MISP: variants seen among roughly 807,000 people sequenced by gnomAD.
The protein encoded by MISP is mitotic spindle positioning.
MISP carries 51 observed loss-of-function variants against 49.3 expected under a neutral mutation model. The observed-to-expected ratio is 1.03, with a 90% confidence interval of 0.83 to 1.31. The LOEUF (loss-of-function observed/expected upper bound fraction) is 1.31, where lower values mean the gene tolerates loss of function less well. Among genes scored for constraint, MISP ranks in the 50% most tolerant of loss-of-function variants. MISP has a pLI of 0.00. For missense variants in MISP, 1,084 were observed against 935.1 expected, an observed-to-expected ratio of 1.16 and a Z score of -2.08; for synonymous variants, 444 against 392.6, an observed-to-expected ratio of 1.13 and a Z score of -1.55.
chr19:756,388 A>G (rs2033549576), intron 1 of MISP, among the ~76,000 whole-genome samples: 1 of 152,162 alleles, frequency 6.6e-6, no homozygotes, highest in Admixed American at 6.5e-5. Flanking sequence ...CTTTGAACCA[A>G]TCACAGAGGC....
rs763389056 is a variant in MISP, at chr19:761,628, G to A, written c.1915G>A (p.Ala639Thr). The change falls in exon 4 of 5, where the codon GCT becomes ACT. Residue 639 changes from alanine to threonine, a missense_variant. Transcript: ENST00000215582. Reference protein sequence around the residue: ...PGQRKKEQWYAGINPSDGINS... With the variant: ...PGQRKKEQWYTGINPSDGINS... ...GACTTGTGTTCCTTTCCTGTAGTAC[G>A]CTGGCATCAACCCCTCGGACGGTAT... The A allele has an allele frequency of 3.7e-5, 60 of 1,613,956 alleles. No individual in the cohort carries two copies. Among genetic ancestry groups the A allele is most frequent in the Non-Finnish European group, 4.7e-5 (55 of 1,180,002 alleles).
At chr19:750,495 C>T (rs921491250), upstream of MISP, among the ~76,000 whole-genome samples, 5 of 152,120 alleles carry the variant, frequency 3.3e-5, no homozygotes, top group African/African-American at 7.2e-5. Context: ...CCACCAAGTC[C>T]GGCCCCCTCG....
At chr19:752,172 G>A (rs919535171) in intron 1 of MISP, among the ~76,000 whole-genome samples, 4 of 152,160 alleles carry the variant, frequency 2.6e-5, no homozygotes, top group East Asian at 3.9e-4. Context: ...AGTCGAAAAC[G>A]GTTCCAAGGT....
intron 1 of MISP, among the ~76,000 whole-genome samples, chr19:756,423 T>G (rs1001567732): frequency 2.0e-5 from 3 of 151,530 alleles, no homozygotes; most frequent in Non-Finnish European, 2.9e-5. Flanking sequence ...CTCTGATTGA[T>G]CAGGATGAGT....
At chr19:752,426 A>C (rs1295052598) in intron 1 of MISP, among the ~76,000 whole-genome samples, 1 of 151,598 alleles carries the variant, frequency 6.6e-6, no homozygotes, top group Non-Finnish European at 1.5e-5. Context: ...TGGGAGGCTG[A>C]GGCAGGAGAA....
chr19:755,776 A>G (rs2033540313), intron 1 of MISP, among the ~76,000 whole-genome samples: 1 of 152,144 alleles, frequency 6.6e-6, no homozygotes, highest in Non-Finnish European at 1.5e-5. Flanking sequence ...TACTAAAAAT[A>G]CAAAAAATTA....
chr19:753,111 G>A (rs962721001), intron 1 of MISP, among the ~76,000 whole-genome samples: 4 of 152,248 alleles, frequency 2.6e-5, no homozygotes, highest in Non-Finnish European at 5.9e-5. Context: ...AGCTGGGCAG[G>A]CGGCGTCCAC....
chr19:759,502 C>G (rs983863910), intron 2 of MISP, among the ~76,000 whole-genome samples: 1 of 151,574 alleles, frequency 6.6e-6, no homozygotes, highest in Admixed American at 6.6e-5. Flanking sequence ...CGGGTTCACG[C>G]CATTCTCTCG....
rs369018410 is a variant in MISP at position 758,412 on chromosome 19, G to T, written c.1466G>T (p.Arg489Leu). The change falls in exon 2 of 5, where the codon CGG becomes CTG. Residue 489 changes from arginine to leucine, a missense_variant. By Grantham distance (102) the Arg-to-Leu change is moderately radical. Coordinates refer to ENST00000215582, the MANE Select transcript of MISP (RefSeq NM_173481.4). ...STKQEASKPP[R>L]GCPQANRGVV... ...AAGCAAGAGGCATCGAAGCCCCCTC[G>T]GGGATGCCCGCAAGCCAACAGGGGT... 3 of 1,614,084 alleles carry T rather than the reference G, an allele frequency of 1.9e-6. No individual in the cohort carries two copies. The East Asian group carries it at 6.7e-5, about 36-fold the overall frequency.
At position 758,048 on chromosome 19, in the gene MISP, G is replaced by C; in HGVS notation, c.1102G>C (p.Glu368Gln). ...ACAGCGTGAGGAAGACCACCGGCGG[G>C]AGGGCCTGCACGTGGGCCGGGCGTC... ...ETQREEDHRR[E>Q]GLHVGRASTP... Residue 368 changes from glutamate to glutamine, a missense_variant, in exon 2 of 5, where the codon GAG becomes CAG. By Grantham distance (29) the Glu-to-Gln change is conservative. Coordinates refer to ENST00000215582, the MANE Select transcript of MISP (RefSeq NM_173481.4). 6.4e-7 allele frequency: 1 copy of C among 1,568,036 alleles called. No individual in the cohort carries two copies. Among genetic ancestry groups the C allele is most frequent in the East Asian group, 2.3e-5 (1 of 44,358 alleles).
intron 1 of MISP, among the ~76,000 whole-genome samples, chr19:752,604 CT>C (rs1230290162): frequency 6.6e-6 from 1 of 152,092 alleles, no homozygotes; most frequent in Non-Finnish European, 1.5e-5. Flanking sequence ...AACCCAAGAG[CT>C]GGACCCCAGG....
Position 757,080 on chromosome 19 carries a change from A to G in MISP, c.134A>G (p.Gln45Arg), listed in dbSNP as rs1219537899. The part of the protein sequence containing the change: ...CMGPEASGWG[Q>R]DEPQTWPTDH... ...GGCCCCGAGGCCAGCGGCTGGGGCC[A>G]GGATGAGCCGCAGACATGGCCCACT... is the stretch of plus-strand genomic sequence containing the variant. Residue 45 changes from glutamine to arginine, a missense_variant, in exon 2 of 5, where the codon CAG becomes CGG. By Grantham distance (43) the Gln-to-Arg change is conservative. Transcript: ENST00000215582. 1 of 1,612,742 alleles carries G rather than the reference A, an allele frequency of 6.2e-7. No homozygotes were observed. The highest frequency in any genetic ancestry group is 8.5e-7 in the Non-Finnish European group (1 of 1,179,688).
chr19:762,232 G>A (rs1275880181), intron 4 of MISP, among the ~76,000 whole-genome samples: 4 of 149,090 alleles, frequency 2.7e-5, no homozygotes, highest in Non-Finnish European at 4.4e-5. Context: ...GATTACAGGC[G>A]CGAGCCACCG....
rs374572670 is a variant in MISP, at chr19:761,671, T to C, written c.1950+8T>C. On this transcript the variant is annotated splice_region_variant and intron_variant, in intron 4 of 4. Transcript: ENST00000215582. ...GACGGTATCAACTCAGAGGTGAGTA[T>C]GCTCCTGGGCACGAAGACTCAAGTC... The C allele has an allele frequency of 2.4e-5, 39 of 1,613,956 alleles. No individual in the cohort carries two copies. Among genetic ancestry groups the C allele is most frequent in the African/African-American group, 4.0e-5 (3 of 74,918 alleles).
chr19:759,334 T>C (rs1426153019), intron 2 of MISP, among the ~76,000 whole-genome samples: 1 of 151,678 alleles, frequency 6.6e-6, no homozygotes, highest in African/African-American at 2.4e-5. Context: ...TGTTCATATA[T>C]GTTTATCCTC....
Position 763,650 on chromosome 19 carries a change from C to A in MISP, c.*60C>A, listed in dbSNP as rs1454238342. On this transcript the variant is annotated 3_prime_UTR_variant, in exon 5 of 5. Transcript: ENST00000215582. ...CTGACCCTCGTGGGAACTGCCAAGA[C>A]CATCGCCAAGCCCCCACCCTAGGAA... 4 of 1,267,942 alleles carry A rather than the reference C, an allele frequency of 3.2e-6. No individual in the cohort carries two copies. The highest frequency in any genetic ancestry group is 4.5e-6 in the Non-Finnish European group (4 of 883,168). 78.5% of individuals were successfully genotyped at this position (1,267,942 alleles called of 1,614,324 possible). A position where few individuals can be genotyped will look rare whatever the true frequency, so the allele number is the denominator to read the frequency against.
chr19:750,493 T>C (rs1442737620), upstream of MISP, among the ~76,000 whole-genome samples: 1 of 152,026 alleles, frequency 6.6e-6, no homozygotes, highest in Non-Finnish European at 1.5e-5. Flanking sequence ...AGCCACCAAG[T>C]CCGGCCCCCT....
chr19:753,126 G>A (rs2033485668), intron 1 of MISP, among the ~76,000 whole-genome samples: 1 of 152,230 alleles, frequency 6.6e-6, no homozygotes, highest in Non-Finnish European at 1.5e-5. Context: ...GTCCACGGAG[G>A]AGGAGGCCTC....
rs142890248 is a variant in MISP, at chr19:758,613, G to A, written c.1667G>A (p.Arg556His). 6.5e-3 allele frequency: 10,484 copies of A among 1,614,220 alleles called. 56 individuals carry two copies. Among genetic ancestry groups the A allele is most frequent in the Middle Eastern group, 0.013 (77 of 6,062 alleles). The change falls in exon 2 of 5, where the codon CGC (arginine) becomes CAC (histidine). Residue 556 changes from arginine to histidine, a missense_variant. Transcript: ENST00000215582. Reference protein sequence around the residue: ...LLERERESVLRREQEVAEERR... With the variant: ...LLERERESVLHREQEVAEERR... ...GAAAGGGAGAGGGAGAGTGTCCTGC[G>A]CCGGGAGCAAGAGGTGGCAGAGGAG...
Sources: gnomAD v4.1 joint callset for allele counts (sites outside exome capture counted in the v4.1 genomes callset) on GRCh38, gnomAD v4.1.1 for gene constraint, MANE v1.5 for transcripts, NCBI Gene and HGNC (gene_info 2026-07-23, HGNC 2026-07-21) for gene names.